The following PLCB1 variants were observed in gnomAD, a reference collection of about 807,000 sequenced individuals.
PLCB1 encodes the protein phospholipase C beta 1, also known as 1-phosphatidylinositol 4,5-bisphosphate phosphodiesterase beta-1.
A neutral mutation model predicts 161.8 loss-of-function variants in PLCB1; 46 were observed. The observed-to-expected ratio is 0.28, with a 90% confidence interval of 0.22 to 0.36. The LOEUF is 0.36. PLCB1 is among the 10% of genes least tolerant of loss of function. The pLI is 1.00. For missense variants in PLCB1, 1,016 were observed against 1,472.5 expected (o/e 0.69, Z 5.07); for synonymous variants, 517 against 503.7 (o/e 1.03, Z -0.35).
chr20:8,821,132 TG>T (rs1985330416), intron 31 of PLCB1, among the ~76,000 whole-genome samples: 1 of 152,088 alleles, frequency 6.6e-6, no homozygotes, highest in East Asian at 1.9e-4. Context: ...TACTCAATAT[TG>T]AAGAGATCAA....
At chr20:8,736,814 T>A (rs964171429) in intron 19 of PLCB1, among the ~76,000 whole-genome samples, 17 of 152,166 alleles carry the variant, frequency 1.1e-4, no homozygotes, top group African/African-American at 4.1e-4. Context: ...GGATTACAAT[T>A]CAACATGAGA....
chr20:8,472,891 GT>G (rs1221079051), intron 3 of PLCB1, among the ~76,000 whole-genome samples: 2 of 152,098 alleles, frequency 1.3e-5, no homozygotes, highest in Non-Finnish European at 2.9e-5. Flanking sequence ...TTACATTGTT[GT>G]TTACAAAATG....
chr20:8,701,975 T>G (rs1445200678), intron 11 of PLCB1, among the ~76,000 whole-genome samples: 2 of 152,224 alleles, frequency 1.3e-5, no homozygotes, highest in Non-Finnish European at 2.9e-5. Flanking sequence ...CACTGCATAG[T>G]GCAGCAGCAA....
chr20:8,224,959 A>G (rs185094053), intron 2 of PLCB1, among the ~76,000 whole-genome samples: 1 of 152,192 alleles, frequency 6.6e-6, no homozygotes, highest in South Asian at 2.1e-4. Flanking sequence ...ACCACTCATT[A>G]TGGAAAATTT....
At chr20:8,147,192 C>T (rs533210006) in intron 1 of PLCB1, among the ~76,000 whole-genome samples, 4 of 152,146 alleles carry the variant, frequency 2.6e-5, no homozygotes, top group Non-Finnish European at 5.9e-5. Context: ...TTTCAGACTC[C>T]GTCCCAGAGC....
At chr20:8,184,828 C>T (rs1230999562) in intron 2 of PLCB1, among the ~76,000 whole-genome samples, 1 of 148,050 alleles carries the variant, frequency 6.8e-6, no homozygotes, top group Non-Finnish European at 1.5e-5. Flanking sequence ...TTCTGGGATA[C>T]ATGTGCAGAA....
At chr20:8,881,469 T>G (rs1393939989) in intron 31 of PLCB1, among the ~76,000 whole-genome samples, 153 bp from the exon 32 acceptor site, 5 of 152,080 alleles carry the variant, frequency 3.3e-5, no homozygotes, top group Non-Finnish European at 5.9e-5. Flanking sequence ...CAACTAAACT[T>G]TGTTACATCT....
At chr20:8,662,351 T>G (rs1467213829) in intron 9 of PLCB1, among the ~76,000 whole-genome samples, 1 of 126,208 alleles carries the variant, frequency 7.9e-6, no homozygotes, top group Non-Finnish European at 1.6e-5. Context: ...TTATGTATAA[T>G]ATGTAATTAT....
chr20:8,236,617 A>G (rs1003001136), intron 2 of PLCB1, among the ~76,000 whole-genome samples: 1 of 152,110 alleles, frequency 6.6e-6, no homozygotes, highest in Admixed American at 6.6e-5. Context: ...GGCAGAAACT[A>G]CAAAAGGAGA....
At chr20:8,388,757 G>A (rs1230340637) in intron 3 of PLCB1, among the ~76,000 whole-genome samples, 1 of 152,180 alleles carries the variant, frequency 6.6e-6, no homozygotes, top group East Asian at 1.9e-4. Flanking sequence ...TGATCTGTGT[G>A]TGTGCGTGCA....
At chr20:8,416,566 A>C (rs185737620) in intron 3 of PLCB1, among the ~76,000 whole-genome samples, 92 of 152,310 alleles carry the variant, frequency 6.0e-4, no homozygotes, top group African/African-American at 2.1e-3. Flanking sequence ...AAACAGGAAA[A>C]GTAAGTTTGC....
chr20:8,878,931 A>G (rs1383177354), intron 31 of PLCB1, among the ~76,000 whole-genome samples: 1 of 152,032 alleles, frequency 6.6e-6, no homozygotes, highest in Non-Finnish European at 1.5e-5. Flanking sequence ...AGTACCCAGC[A>G]ATTAGTTTTT....
In PLCB1 at chr20:8,368,301, G is replaced by A. The variant is rs138774208; in HGVS notation, c.178-3081G>A. Among the ~76,000 whole-genome samples the A allele has an allele frequency of 6.5e-3, 984 of 152,232 alleles. 8 individuals are homozygous for A. The highest frequency in any genetic ancestry group is 0.021 in the African/African-American group (883 of 41,542). ...CCAGCACTTTGGGAGCCCGAGGCGA[G>A]TGGATCACTTGAGGTCTGGAGTTTG... On this transcript the variant is annotated intron_variant, in intron 2 of 31. Transcript: ENST00000338037.
intron 3 of PLCB1, among the ~76,000 whole-genome samples, chr20:8,571,488 A>T (rs369804150): frequency 1.3e-4 from 20 of 152,332 alleles, no homozygotes; most frequent in East Asian, 7.7e-4. Context: ...TCTCAAAAAA[A>T]AATAATAAAT....
chr20:8,592,535 A>G (rs1243089024), intron 3 of PLCB1, among the ~76,000 whole-genome samples: 1 of 152,170 alleles, frequency 6.6e-6, no homozygotes, highest in East Asian at 1.9e-4. Flanking sequence ...TGCTTACAGG[A>G]GGGAGTCTGG....
At chr20:8,214,953 G>A (rs1979038465) in intron 2 of PLCB1, among the ~76,000 whole-genome samples, 1 of 152,080 alleles carries the variant, frequency 6.6e-6, no homozygotes, top group Non-Finnish European at 1.5e-5. Context: ...AATGGAAAAT[G>A]GTGCAGTTAT....
At position 8,781,413 on chromosome 20, in the gene PLCB1, CACAA is replaced by C. The variant is rs1198361841; in HGVS notation, c.3111+6698_3111+6701del. On this transcript the variant is annotated intron_variant, in intron 27 of 31. Coordinates refer to ENST00000338037, the MANE Select transcript of PLCB1 (RefSeq NM_015192.4). Reference sequence around the variant, plus strand: ...ACACACACAAACACACACACACACACACAAACACACACACACACACACACACACA... The same window carrying C: ...ACACACACAAACACACACACACACACACACACACACACACACACACACACA... Among the ~76,000 whole-genome samples, 4 of 21,430 alleles carry C rather than the reference CACAA, an allele frequency of 1.9e-4. No homozygotes were observed. The East Asian group carries it at 9.2e-3, about 49-fold the overall frequency. The allele number at this position is 21,430 out of a possible 152,430, so 14.1% of individuals were successfully genotyped here. A position where few individuals can be genotyped will look rare whatever the true frequency, so the allele number is the denominator to read the frequency against.
intron 3 of PLCB1, among the ~76,000 whole-genome samples, chr20:8,601,356 G>T (rs1318822357): frequency 6.6e-6 from 1 of 152,000 alleles, no homozygotes; most frequent in Non-Finnish European, 1.5e-5. Context: ...TATTTTTCTT[G>T]ATCCTCTTTC....
intron 3 of PLCB1, among the ~76,000 whole-genome samples, chr20:8,534,321 C>T (rs1190103909): frequency 6.6e-6 from 1 of 152,198 alleles, no homozygotes; most frequent in Non-Finnish European, 1.5e-5. Context: ...GACTTACAGG[C>T]AGGAGCCACT....
Sources: allele counts gnomAD v4.1 joint callset (sites outside exome capture counted in the v4.1 genomes callset), GRCh38; gene constraint gnomAD v4.1.1; transcripts MANE v1.5; gene names NCBI Gene and HGNC (gene_info 2026-07-23, HGNC 2026-07-21).